Variants in CSMD2 observed in about 807,000 individuals in gnomAD.
CSMD2 encodes CUB and sushi domain-containing protein 2.
Under a neutral mutation model 398.5 loss-of-function variants are expected in CSMD2, and 130 were observed. The ratio of observed to expected loss-of-function variants is 0.33; its 90% CI spans 0.28 to 0.38. CSMD2 has a LOEUF of 0.38. Ranked by LOEUF, CSMD2 falls within the 10% of genes least tolerant of loss-of-function variation. The pLI is 1.00. For missense variants in CSMD2, 3,829 were observed against 4,764.9 expected (o/e 0.80, Z 5.78); for synonymous variants, 1,828 against 1,908.5 (o/e 0.96, Z 1.10).
chr1:34,123,330 C>T (rs1018421397), intron 1 of CSMD2, among the ~76,000 whole-genome samples: 31 of 152,194 alleles, frequency 2.0e-4, no homozygotes, highest in Non-Finnish European at 7.3e-5. Context: ...GAGCGGAACA[C>T]GTGGAGATTC....
At chr1:33,516,893 T>A (rs1429139299) in intron 70 of CSMD2, among the ~76,000 whole-genome samples, 3 of 107,556 alleles carry the variant, frequency 2.8e-5, no homozygotes, top group African/African-American at 8.5e-5. Context: ...TTAGTTTCTT[T>A]CAAAATCAGA....
chr1:33,976,227 G>C (rs1645957805), intron 3 of CSMD2, among the ~76,000 whole-genome samples: 1 of 152,182 alleles, frequency 6.6e-6, no homozygotes, highest in Admixed American at 6.5e-5. Flanking sequence ...CTTGCCCAAG[G>C]GCTGTGACCA....
At chr1:33,946,549 C>T (rs1242351251) in intron 3 of CSMD2, among the ~76,000 whole-genome samples, 1 of 152,040 alleles carries the variant, frequency 6.6e-6, no homozygotes, top group African/African-American at 2.4e-5. Flanking sequence ...CTTGTCACTT[C>T]CAGAGGAATG....
intron 2 of CSMD2, among the ~76,000 whole-genome samples, chr1:34,061,055 C>T (rs1304869491): frequency 6.6e-6 from 1 of 152,154 alleles, no homozygotes; most frequent in African/African-American, 2.4e-5. Context: ...CACTTCCCAA[C>T]CCCTGCAGCA....
intron 25 of CSMD2, among the ~76,000 whole-genome samples, chr1:33,676,732 A>G (rs2149048148): frequency 6.6e-6 from 1 of 152,340 alleles, no homozygotes; most frequent in East Asian, 1.9e-4. Flanking sequence ...ACAGTAACCA[A>G]AACAGCATGG....
chr1:33,967,920 A>G (rs1015598285), intron 3 of CSMD2, among the ~76,000 whole-genome samples: 5 of 152,164 alleles, frequency 3.3e-5, no homozygotes, highest in African/African-American at 9.7e-5. Flanking sequence ...TCTTCCTTAC[A>G]TGGTTTTCTG....
intron 1 of CSMD2, among the ~76,000 whole-genome samples, chr1:34,113,673 A>G (rs2148450045): frequency 6.6e-6 from 1 of 152,298 alleles, no homozygotes; most frequent in African/African-American, 2.4e-5. Context: ...AGCCCCAGAC[A>G]TTCTGCCCCA....
chr1:33,642,215 T>C (rs1643146659), intron 29 of CSMD2, among the ~76,000 whole-genome samples: 1 of 151,910 alleles, frequency 6.6e-6, no homozygotes, highest in African/African-American at 2.4e-5. Flanking sequence ...GGTGTGGTGA[T>C]GCATGCCTGT....
In CSMD2 at chr1:33,726,214, C is replaced by T. The variant is rs552589180; in HGVS notation, c.2507+333G>A. ...CGTTGGACATTTCCAGGAGAATGCT[C>T]GTCAGATACCAGAGTCATGCTTTAA... On this transcript the variant is annotated intron_variant, in intron 16 of 70. Coordinates refer to ENST00000373381, the MANE Select transcript of CSMD2 (RefSeq NM_001281956.2). 2.6e-5 allele frequency among the ~76,000 whole-genome samples: 4 copies of T among 152,220 alleles called. No homozygotes were observed. The East Asian group carries it at 5.8e-4, about 22-fold the overall frequency.
chr1:34,067,761 A>G (rs1426713749), intron 2 of CSMD2, among the ~76,000 whole-genome samples: 7 of 152,234 alleles, frequency 4.6e-5, no homozygotes, highest in Non-Finnish European at 8.8e-5. Flanking sequence ...TCCTTCTTCA[A>G]TGTGGTTTAA....
At chr1:33,915,884 A>C (rs1643695473) in intron 5 of CSMD2, among the ~76,000 whole-genome samples, 1 of 152,220 alleles carries the variant, frequency 6.6e-6, no homozygotes, top group Non-Finnish European at 1.5e-5. Context: ...CTTTAGTATC[A>C]GATTAACCTG....
intron 6 of CSMD2, among the ~76,000 whole-genome samples, chr1:33,832,931 C>T (rs1462484944): frequency 1.3e-5 from 2 of 152,142 alleles, no homozygotes; most frequent in African/African-American, 4.8e-5. Flanking sequence ...GACACATACA[C>T]CCTCCCAAGA....
intron 5 of CSMD2, among the ~76,000 whole-genome samples, chr1:33,876,106 C>T (rs925178550): frequency 1.1e-4 from 16 of 152,132 alleles, no homozygotes; most frequent in Admixed American, 5.9e-4. Context: ...TGCCAGTTTA[C>T]AGAAATAAAG....
chr1:33,884,459 C>T (rs1451442480), intron 5 of CSMD2: 1 of 152,378 alleles, frequency 6.6e-6, no homozygotes, highest in East Asian at 1.9e-4. Context: ...TATTCCTCCT[C>T]CCGCTTTGTC....
chr1:33,945,413 G>A (rs1365824065), intron 3 of CSMD2, among the ~76,000 whole-genome samples: 1 of 152,174 alleles, frequency 6.6e-6, no homozygotes, highest in Non-Finnish European at 1.5e-5. Context: ...CTGCGTCAAA[G>A]ACTTCAACCT....
intron 6 of CSMD2, among the ~76,000 whole-genome samples, chr1:33,833,409 T>G (rs578128546): frequency 1.9e-4 from 29 of 150,986 alleles, no homozygotes; most frequent in Non-Finnish European, 2.5e-4. Context: ...ACCACATGAT[T>G]ATCTCAATAG....
At chr1:33,581,446 C>T (rs955256225) in intron 47 of CSMD2, among the ~76,000 whole-genome samples, 18 of 134,720 alleles carry the variant, frequency 1.3e-4, no homozygotes, top group African/African-American at 3.9e-4. Flanking sequence ...GGCTAAGGCA[C>T]GAGAATCGCT....
At chr1:34,103,565 G>C (rs1660230853) in intron 1 of CSMD2, among the ~76,000 whole-genome samples, 1 of 151,994 alleles carries the variant, frequency 6.6e-6, no homozygotes, top group Non-Finnish European at 1.5e-5. Context: ...AAAGTGCTGG[G>C]ATTACAGGTG....
At chr1:34,162,267 G>T (rs1490173922) in intron 1 of CSMD2, among the ~76,000 whole-genome samples, 3 of 151,780 alleles carry the variant, frequency 2.0e-5, no homozygotes, top group Non-Finnish European at 1.5e-5. Context: ...GGAGGGGGAG[G>T]GGGAGTGCAA....
Sources: allele counts gnomAD v4.1 joint callset (sites outside exome capture counted in the v4.1 genomes callset), GRCh38; gene constraint gnomAD v4.1.1; transcripts MANE v1.5; gene names NCBI Gene and HGNC (gene_info 2026-07-23, HGNC 2026-07-21).